BLNK: variants seen among roughly 807,000 people sequenced by gnomAD.
BLNK encodes the protein B-cell linker protein.
Under a neutral mutation model 73.5 loss-of-function variants are expected in BLNK, and 29 were observed. That is an observed-to-expected ratio of 0.39 (90% CI 0.29 to 0.54). The LOEUF (loss-of-function observed/expected upper bound fraction) is 0.54. Among genes scored for constraint, BLNK ranks in the 20% least tolerant of loss-of-function variants. The pLI is 0.61. For missense variants in BLNK, 460 were observed against 562.8 expected, an observed-to-expected ratio of 0.82 and a Z score of 1.85; for synonymous variants, 176 against 200.8, an observed-to-expected ratio of 0.88 and a Z score of 1.04.
intron 6 of BLNK, among the ~76,000 whole-genome samples, chr10:96,217,568 G>A (rs1451835413): frequency 1.3e-5 from 2 of 152,064 alleles, no homozygotes; most frequent in African/African-American, 4.8e-5. Context: ...ATGATGTTGA[G>A]TATCTTTTTA....
chr10:96,247,058 A>G lies in BLNK; in HGVS notation c.48-9T>C, dbSNP rs781834723. 62 of 1,572,456 alleles carry G rather than the reference A, an allele frequency of 3.9e-5. No individual in the cohort carries two copies. Among genetic ancestry groups the G allele is most frequent in the Non-Finnish European group, 4.8e-5 (55 of 1,150,190 alleles). On this transcript the variant is annotated splice_polypyrimidine_tract_variant and intron_variant, in intron 1 of 16. Transcript: ENST00000224337. Reference sequence around the variant, plus strand: ...CCATCTTTTGAAGCTGCCTGTAAAAAACAAAATTAAACATAAGATATTAAT... The same window carrying G: ...CCATCTTTTGAAGCTGCCTGTAAAAGACAAAATTAAACATAAGATATTAAT...
intron 11 of BLNK, 141 bp from the exon 12 acceptor site, chr10:96,204,757 T>C: frequency 1.4e-6 from 1 of 735,812 alleles, no homozygotes. Context: ...ATGTCATGGA[T>C]CTGTGCACTT....
chr10:96,242,512 A>T (rs1554906483), intron 3 of BLNK, among the ~76,000 whole-genome samples: 1 of 152,214 alleles, frequency 6.6e-6, no homozygotes, highest in Non-Finnish European at 1.5e-5. Flanking sequence ...CACATGGAAG[A>T]TGTTTAATAA....
At chr10:96,207,289 T>G (rs1554897639) in intron 10 of BLNK, among the ~76,000 whole-genome samples, 1 of 152,168 alleles carries the variant, frequency 6.6e-6, no homozygotes, top group African/African-American at 2.4e-5. Context: ...GAAACCTCCC[T>G]GCCTTGTCAA....
At chr10:96,245,637 A>G (rs1346566405) in intron 2 of BLNK, among the ~76,000 whole-genome samples, 1 of 152,238 alleles carries the variant, frequency 6.6e-6, no homozygotes, top group African/African-American at 2.4e-5. Context: ...AGAAAAGAAT[A>G]TGGTTAATTT....
At chr10:96,236,137 A>G (rs1554905059) in intron 3 of BLNK, among the ~76,000 whole-genome samples, 1 of 152,110 alleles carries the variant, frequency 6.6e-6, no homozygotes, top group African/African-American at 2.4e-5. Context: ...CAATAGGAGC[A>G]CCAGAGCCCC....
At chr10:96,210,875 T>G (rs943849541) in intron 8 of BLNK, among the ~76,000 whole-genome samples, 7 of 146,662 alleles carry the variant, frequency 4.8e-5, no homozygotes, top group South Asian at 4.2e-4. Flanking sequence ...TTTTTTTTTT[T>G]TTTTTTTTTT....
At chr10:96,242,220 C>T (rs1842903005) in intron 3 of BLNK, among the ~76,000 whole-genome samples, 1 of 152,148 alleles carries the variant, frequency 6.6e-6, no homozygotes, top group South Asian at 2.1e-4. Context: ...TCCAGGGTTT[C>T]CCCTTTCTCT....
chr10:96,255,788 G>A (rs1401511476), intron 1 of BLNK, among the ~76,000 whole-genome samples: 1 of 152,090 alleles, frequency 6.6e-6, no homozygotes, highest in African/African-American at 2.4e-5. Flanking sequence ...TGGCAGCAGG[G>A]CCCTCCCATC....
At chr10:96,244,450 C>T (rs888330581) in intron 2 of BLNK, among the ~76,000 whole-genome samples, 1 of 152,190 alleles carries the variant, frequency 6.6e-6, no homozygotes, top group South Asian at 2.1e-4. Context: ...GAATAAAAGG[C>T]GTAGTTGAAC....
At chr10:96,209,664 AT>A (rs1339826475) in intron 9 of BLNK, among the ~76,000 whole-genome samples, 173 bp downstream of exon 9, 2 of 152,196 alleles carry the variant, frequency 1.3e-5, no homozygotes, top group Non-Finnish European at 2.9e-5. Context: ...AAGTGCTGGG[AT>A]GACAGGCCTG....
intron 13 of BLNK, 96 bp from the exon 14 acceptor site, chr10:96,201,154 C>T: frequency 9.1e-7 from 1 of 1,094,580 alleles, no homozygotes; most frequent in East Asian, 2.4e-5. Context: ...CTGCCAGGGA[C>T]ACATCCACCA....
Position 96,215,320 on chromosome 10 carries a change from C to T in BLNK, c.676+1G>A. On this transcript the variant is annotated splice_donor_variant, in intron 8 of 16. Transcript: ENST00000224337. LOFTEE classifies it high-confidence loss of function. ...CAAACCAAATCACACATACACTTTACCTGAAGCTGTTCCTGGAGGAGAGGC... is the reference window on the plus strand; with the variant it reads ...CAAACCAAATCACACATACACTTTATCTGAAGCTGTTCCTGGAGGAGAGGC... 1 of 1,613,786 alleles carries T rather than the reference C, an allele frequency of 6.2e-7. No homozygotes were observed. Among genetic ancestry groups the T allele is most frequent in the South Asian group, 1.1e-5 (1 of 91,064 alleles).
At position 96,192,102 on chromosome 10, in the gene BLNK, GA is replaced by G; in HGVS notation, c.1252-11del. 1 of 1,613,344 alleles carries G rather than the reference GA, an allele frequency of 6.2e-7. No individual in the cohort carries two copies. The highest frequency in any genetic ancestry group is 1.1e-5 in the South Asian group (1 of 91,050). Reference sequence around the variant, plus strand: ...CAACACTTCCAAAGTACTAGAGGAAGAAAACATAGATGAATTATACTTTGGC... The same window carrying G: ...CAACACTTCCAAAGTACTAGAGGAAGAAACATAGATGAATTATACTTTGGC... On this transcript the variant is annotated splice_polypyrimidine_tract_variant and intron_variant, in intron 16 of 16. Transcript: ENST00000224337.
intron 7 of BLNK, 53 bp from the exon 8 acceptor site, chr10:96,215,442 T>C: frequency 1.3e-6 from 2 of 1,495,284 alleles, no homozygotes; most frequent in Non-Finnish European, 1.8e-6. Flanking sequence ...CATAAAACCA[T>C]TACAGATACA....
At chr10:96,266,430 G>A (rs1554914307) in intron 1 of BLNK, among the ~76,000 whole-genome samples, 1 of 152,212 alleles carries the variant, frequency 6.6e-6, no homozygotes, top group Admixed American at 6.5e-5. Flanking sequence ...GTGGACTCTG[G>A]TTTAGGGTTT....
chr10:96,235,125 G>C (rs782703666), intron 3 of BLNK, among the ~76,000 whole-genome samples: 2 of 152,168 alleles, frequency 1.3e-5, no homozygotes, highest in Non-Finnish European at 2.9e-5. Context: ...TGGCCACAGC[G>C]GCCCACATTT....
intron 3 of BLNK, among the ~76,000 whole-genome samples, chr10:96,239,758 A>G (rs1248823231): frequency 6.6e-6 from 1 of 152,148 alleles, no homozygotes; most frequent in Non-Finnish European, 1.5e-5. Context: ...CAAAAGGATG[A>G]ATAATAGATG....
At chr10:96,266,698 G>A (rs1236710121) in intron 1 of BLNK, among the ~76,000 whole-genome samples, 1 of 152,212 alleles carries the variant, frequency 6.6e-6, no homozygotes, top group Admixed American at 6.5e-5. Flanking sequence ...AGACGGTCCA[G>A]GAAGTGGATC....
Sources: allele counts gnomAD v4.1 joint callset (sites outside exome capture counted in the v4.1 genomes callset), GRCh38; gene constraint gnomAD v4.1.1; transcripts MANE v1.5; gene names NCBI Gene and HGNC (gene_info 2026-07-23, HGNC 2026-07-21).